Variants in SLC27A2 observed in about 807,000 individuals in gnomAD.
SLC27A2 encodes solute carrier family 27 member 2.
A neutral mutation model predicts 60.0 loss-of-function variants in SLC27A2; 54 were observed. That is an observed-to-expected ratio of 0.90 (90% CI 0.72 to 1.13). SLC27A2 has a LOEUF of 1.13. Among genes scored for constraint, SLC27A2 ranks in the 50% most tolerant of loss-of-function variants. The pLI is 0.00. For synonymous variants in SLC27A2, 297 were observed against 297.6 expected, an observed-to-expected ratio of 1.00 and a Z score of 0.02; for missense variants, 739 against 777.6, an observed-to-expected ratio of 0.95 and a Z score of 0.59.
At chr15:50,216,652 A>AG (rs2045199282) in intron 4 of SLC27A2, among the ~76,000 whole-genome samples, 1 of 108,022 alleles carries the variant, frequency 9.3e-6, no homozygotes, top group Non-Finnish European at 1.8e-5. Context: ...ATATATATAT[A>AG]TATAGTATAG....
chr15:50,182,579 C>T lies in SLC27A2; in HGVS notation c.152C>T (p.Pro51Leu), dbSNP rs777652108. The change falls in exon 1 of 10, where the codon CCG (proline) becomes CTG (leucine). Residue 51 changes from proline (P) to leucine (L), a missense_variant. Coordinates refer to ENST00000267842, the MANE Select transcript of SLC27A2 (RefSeq NM_003645.4). ...RRVRSYGKRR[P>L]ARTILRAFLE... ...GTGCGCAGCTACGGGAAGCGGCGGCCGGCGCGCACCATCCTGCGGGCGTTC... is the reference window on the plus strand; with the variant it reads ...GTGCGCAGCTACGGGAAGCGGCGGCTGGCGCGCACCATCCTGCGGGCGTTC... 4.2e-5 allele frequency: 67 copies of T among 1,611,998 alleles called. 1 individual carries two copies. The South Asian group carries it at 6.0e-4, about 15-fold the overall frequency.
chr15:50,200,134 T>A (rs888370923), intron 2 of SLC27A2, among the ~76,000 whole-genome samples: 1 of 152,198 alleles, frequency 6.6e-6, no homozygotes, highest in African/African-American at 2.4e-5. Context: ...CATTTCTTTT[T>A]AAAAATTTCA....
At chr15:50,211,996 G>GGGAGGCAGA (rs1321147354) in intron 4 of SLC27A2, among the ~76,000 whole-genome samples, 1 of 150,786 alleles carries the variant, frequency 6.6e-6, no homozygotes, top group Admixed American at 6.6e-5. Flanking sequence ...GCATGAACCT[G>GGGAGGCAGA]GGAGGCAGAG....
intron 3 of SLC27A2, among the ~76,000 whole-genome samples, chr15:50,204,610 G>A (rs2045094859): frequency 6.6e-6 from 1 of 151,878 alleles, no homozygotes; most frequent in South Asian, 2.1e-4. Flanking sequence ...GCACGCGCCT[G>A]TAATCCCAGC....
chr15:50,204,585 T>G (rs1255083713), intron 3 of SLC27A2, among the ~76,000 whole-genome samples: 1 of 151,150 alleles, frequency 6.6e-6, no homozygotes, highest in Non-Finnish European at 1.5e-5. Context: ...TACAAAAAAT[T>G]TGCCAGGTGT....
At chr15:50,197,262 C>G (rs939300135) in intron 1 of SLC27A2, among the ~76,000 whole-genome samples, 4 of 151,964 alleles carry the variant, frequency 2.6e-5, no homozygotes, top group African/African-American at 9.7e-5. Context: ...CTTTGGGAGG[C>G]CAAAATGGGA....
Position 50,196,077 on chromosome 15 carries a change from AATATATATATATATATATAT to A in SLC27A2, c.479-1394_479-1375del, listed in dbSNP as rs58819609. Among the ~76,000 whole-genome samples, 4 of 15,442 alleles carry A rather than the reference AATATATATATATATATATAT, an allele frequency of 2.6e-4. 1 individual carries two copies. The highest frequency in any genetic ancestry group is 5.1e-4 in the African/African-American group (2 of 3,908). The allele number at this position is 15,442 out of a possible 152,430, so 10.1% of individuals were successfully genotyped here. On this transcript the variant is annotated intron_variant, in intron 1 of 9. Coordinates refer to ENST00000267842, the MANE Select transcript of SLC27A2 (RefSeq NM_003645.4). ...TCAAAAAAAAAAAAAAAAAAAAAAA[AATATATATATATATATATAT>A]ATATATATATATATATATATATATA...
chr15:50,226,065 CAG>C lies in SLC27A2; in HGVS notation c.1248_1249del (p.Arg416SerfsTer5). The C allele has an allele frequency of 1.2e-6, 2 of 1,606,146 alleles. No individual in the cohort carries two copies. The highest frequency in any genetic ancestry group is 1.7e-6 in the Non-Finnish European group (2 of 1,172,820). On this transcript the variant is annotated frameshift_variant, in exon 6 of 10. Coordinates refer to ENST00000267842, the MANE Select transcript of SLC27A2 (RefSeq NM_003645.4). LOFTEE classifies it high-confidence loss of function. ...PVRDENGYCVRVPKGEVGLLV... is the reference protein window; with the variant it reads ...PVRDENGYCVXVPKGEVGLLV... ...TCCGTGATGAAAATGGATATTGCGT[CAG>C]AGTTCCCAAAGGTACAGTGGACTTT...
chr15:50,208,206 A>G (rs2045128131), intron 4 of SLC27A2, among the ~76,000 whole-genome samples: 1 of 152,172 alleles, frequency 6.6e-6, no homozygotes, highest in Non-Finnish European at 1.5e-5. Context: ...CAGTGTTGGG[A>G]GGTAGAAGCC....
rs767020486 is a variant in SLC27A2, at chr15:50,236,126, CAGAA to C, written c.*36_*39del. On this transcript the variant is annotated 3_prime_UTR_variant, in exon 10 of 10. Coordinates refer to ENST00000267842, the MANE Select transcript of SLC27A2 (RefSeq NM_003645.4). The stretch of plus-strand genomic sequence containing the variant: ...TCCCAGGAGGATAACTCAACATTTC[CAGAA>C]AGAAACTGAATGGACAGCCACTTGA... 2.0e-6 allele frequency: 3 copies of C among 1,495,792 alleles called. No individual in the cohort carries two copies. Among genetic ancestry groups the C allele is most frequent in the Admixed American group, 2.0e-5 (1 of 48,870 alleles). 92.7% of individuals were successfully genotyped at this position (1,495,792 alleles called of 1,614,324 possible).
At chr15:50,223,228 G>A (rs1452039957) in intron 5 of SLC27A2, 69 bp downstream of exon 5, 38 of 1,162,600 alleles carry the variant, frequency 3.3e-5, no homozygotes, top group Non-Finnish European at 4.4e-5. Context: ...TAAAAGCCAA[G>A]TCATGATGAT....
At chr15:50,223,298 T>A in intron 5 of SLC27A2, 139 bp downstream of exon 5, 1 of 574,916 alleles carries the variant, frequency 1.7e-6, no homozygotes. Flanking sequence ...AGAGAAGTTT[T>A]GCTCATTCTC....
intron 4 of SLC27A2, among the ~76,000 whole-genome samples, chr15:50,216,351 T>C (rs985815054): frequency 1.3e-5 from 2 of 151,938 alleles, no homozygotes; most frequent in African/African-American, 2.4e-5. Context: ...ACTTCTACAC[T>C]ACTGGTGGGA....
chr15:50,204,545 A>G (rs1439868217), intron 3 of SLC27A2, among the ~76,000 whole-genome samples: 2 of 151,998 alleles, frequency 1.3e-5, no homozygotes, highest in Non-Finnish European at 2.9e-5. Context: ...CATCCTGGCT[A>G]ACACAGTGAA....
chr15:50,232,991 C>T (rs1025772301), intron 8 of SLC27A2, among the ~76,000 whole-genome samples: 11 of 152,174 alleles, frequency 7.2e-5, no homozygotes, highest in African/African-American at 2.7e-4. Context: ...CCCGCTGGGT[C>T]TGCTGGATCA....
chr15:50,226,927 T>C (rs2045282360), intron 6 of SLC27A2, 53 bp from the exon 7 acceptor site: 2 of 1,438,356 alleles, frequency 1.4e-6, no homozygotes, highest in Non-Finnish European at 1.9e-6. Context: ...AGAAGGTTGA[T>C]GTATAAATTT....
chr15:50,182,479 C>A lies in SLC27A2; in HGVS notation c.52C>A (p.Leu18Met). 6.2e-7 allele frequency: 1 copy of A among 1,610,344 alleles called. No homozygotes were observed. The highest frequency in any genetic ancestry group is 8.5e-7 in the Non-Finnish European group (1 of 1,178,466). ...GGCGGGACTGCTGTTCCTGCCGCTC[C>A]TGGTGAACCTCTGCTGCCCATACTT... Reference protein sequence around the residue: ...VLAGLLFLPLLVNLCCPYFFQ... With the variant: ...VLAGLLFLPLMVNLCCPYFFQ... The change falls in exon 1 of 10, where the codon CTG becomes ATG. Residue 18 changes from leucine to methionine, a missense_variant. Physicochemically the swap from Leu to Met is conservative, Grantham distance 15. Transcript: ENST00000267842.
intron 9 of SLC27A2, among the ~76,000 whole-genome samples, chr15:50,235,006 C>T (rs1281156305): frequency 6.0e-5 from 7 of 116,780 alleles, no homozygotes; most frequent in Non-Finnish European, 1.3e-4. Context: ...CATTAGCCAG[C>T]TGGAATTGCC....
chr15:50,234,793 C>T (rs1364616196), intron 9 of SLC27A2, among the ~76,000 whole-genome samples: 1 of 152,036 alleles, frequency 6.6e-6, no homozygotes, highest in Non-Finnish European at 1.5e-5. Flanking sequence ...TAGAAGAAAT[C>T]CAATCCTAAT....
Sources: gnomAD v4.1 joint callset for allele counts (sites outside exome capture counted in the v4.1 genomes callset) on GRCh38, gnomAD v4.1.1 for gene constraint, MANE v1.5 for transcripts, NCBI Gene and HGNC (gene_info 2026-07-23, HGNC 2026-07-21) for gene names.